The following NAV2 variants were observed in gnomAD, a reference collection of about 807,000 sequenced individuals.
The protein encoded by NAV2 is neuron navigator 2.
Under a neutral mutation model 223.2 loss-of-function variants are expected in NAV2, and 54 were observed. The observed-to-expected ratio is 0.24, with a 90% CI of 0.19 to 0.30. The LOEUF is 0.30. Ranked by LOEUF, NAV2 falls within the 10% of genes least tolerant of loss-of-function variation. The pLI, the probability that NAV2 is intolerant of heterozygous loss-of-function variation, is 1.00. For missense variants in NAV2, 2,806 were observed against 3,147.5 expected (o/e 0.89, Z 2.60); for synonymous variants, 1,279 against 1,239.3 (o/e 1.03, Z -0.67).
chr11:19,946,335 A>T, intron 8 of NAV2, 66 bp from the exon 9 acceptor site: 1 of 1,417,158 alleles, frequency 7.1e-7, no homozygotes, highest in Non-Finnish European at 9.7e-7. Context: ...ATAGACATGG[A>T]TGCTGCCCTT....
At chr11:19,495,671 A>G (rs2042770361) in intron 1 of NAV2, among the ~76,000 whole-genome samples, 1 of 152,220 alleles carries the variant, frequency 6.6e-6, no homozygotes, top group Non-Finnish European at 1.5e-5. Context: ...TAAAGCCTAA[A>G]TGCATGGATG....
At position 19,646,755 on chromosome 11, in the gene NAV2, A is replaced by G. The variant is rs558934600; in HGVS notation, c.76-185729A>G. Among the ~76,000 whole-genome samples, 5 of 152,290 alleles carry G rather than the reference A, an allele frequency of 3.3e-5. No homozygotes were observed. The East Asian group carries it at 9.6e-4, about 29-fold the overall frequency. The stretch of plus-strand genomic sequence containing the variant: ...ATATAAAACCTTTCACCTTATCAAC[A>G]ACATTGTGAGGTAGGCATTATAGAT... On this transcript the variant is annotated intron_variant, in intron 1 of 37. Transcript: ENST00000360655.
At chr11:19,536,262 G>A (rs2044186464) in intron 1 of NAV2, among the ~76,000 whole-genome samples, 1 of 152,122 alleles carries the variant, frequency 6.6e-6, no homozygotes, top group Admixed American at 6.5e-5. Flanking sequence ...CTAGTCAGAG[G>A]CCCAGCTGAC....
At chr11:19,725,812 C>T (rs1366749242) in intron 1 of NAV2, among the ~76,000 whole-genome samples, 2 of 152,230 alleles carry the variant, frequency 1.3e-5, no homozygotes, top group Non-Finnish European at 2.9e-5. Context: ...TGTAACAGGA[C>T]CTGCTAGTTT....
At chr11:19,621,166 T>C (rs1339302559) in intron 1 of NAV2, among the ~76,000 whole-genome samples, 1 of 152,198 alleles carries the variant, frequency 6.6e-6, no homozygotes, top group Non-Finnish European at 1.5e-5. Context: ...AGTTTGCCAG[T>C]ATTTTACTGA....
At chr11:19,577,185 T>C (rs2045594471) in intron 1 of NAV2, among the ~76,000 whole-genome samples, 2 of 152,254 alleles carry the variant, frequency 1.3e-5, no homozygotes, top group African/African-American at 2.4e-5. Flanking sequence ...ATTTATCACA[T>C]GAGGAAACTG....
chr11:19,372,999 A>T (rs1848523442), intron 1 of NAV2, among the ~76,000 whole-genome samples: 1 of 152,220 alleles, frequency 6.6e-6, no homozygotes, highest in Non-Finnish European at 1.5e-5. Flanking sequence ...GGGACAACGA[A>T]CATTTTTGGG....
intron 1 of NAV2, among the ~76,000 whole-genome samples, chr11:19,752,986 T>G (rs139010121): frequency 5.3e-5 from 8 of 152,282 alleles, no homozygotes; most frequent in South Asian, 4.1e-4. Context: ...ATTATTGCTC[T>G]TATAAGGAGA....
At chr11:19,836,578 AAAAG>A (rs1565402381) in intron 2 of NAV2, among the ~76,000 whole-genome samples, 1 of 151,666 alleles carries the variant, frequency 6.6e-6, no homozygotes, top group African/African-American at 2.4e-5. Flanking sequence ...AAAAAAAAAA[AAAAG>A]CTCCGATCTG....
intron 11 of NAV2, among the ~76,000 whole-genome samples, chr11:19,993,014 G>T (rs183943784): frequency 6.6e-6 from 1 of 152,284 alleles, no homozygotes. Flanking sequence ...AAGAATAAGA[G>T]GCCAAAGAGA....
At chr11:20,061,499 G>A (rs948313749) in intron 19 of NAV2, among the ~76,000 whole-genome samples, 9 of 151,814 alleles carry the variant, frequency 5.9e-5, no homozygotes, top group African/African-American at 2.2e-4. Context: ...AACTTGGGAG[G>A]CAGAGGTTGT....
intron 1 of NAV2, among the ~76,000 whole-genome samples, chr11:19,353,273 A>G (rs1306393678): frequency 1.3e-5 from 2 of 152,160 alleles, no homozygotes; most frequent in African/African-American, 4.8e-5. Flanking sequence ...GCTAGATCCA[A>G]TTTTGCTGTA....
intron 1 of NAV2, among the ~76,000 whole-genome samples, chr11:19,719,819 A>G (rs1386488234): frequency 2.6e-5 from 4 of 152,228 alleles, no homozygotes; most frequent in Non-Finnish European, 5.9e-5. Flanking sequence ...TGAAACCTTC[A>G]CAGGTTGGTC....
At chr11:19,902,211 A>G (rs1173199688) in intron 6 of NAV2, among the ~76,000 whole-genome samples, 1 of 152,192 alleles carries the variant, frequency 6.6e-6, no homozygotes, top group Non-Finnish European at 1.5e-5. Flanking sequence ...ATCAAGGTGA[A>G]AGAAATTGTA....
At chr11:19,841,420 T>C (rs2060506387) in intron 2 of NAV2, among the ~76,000 whole-genome samples, 1 of 152,190 alleles carries the variant, frequency 6.6e-6, no homozygotes, top group Non-Finnish European at 1.5e-5. Flanking sequence ...TCCAATGGCT[T>C]TTCTCTTTTT....
At chr11:19,567,010 G>A (rs1472156529) in intron 1 of NAV2, among the ~76,000 whole-genome samples, 3 of 152,204 alleles carry the variant, frequency 2.0e-5, no homozygotes, top group Non-Finnish European at 4.4e-5. Flanking sequence ...ATACCTTTCT[G>A]GAACGAGAAA....
At chr11:20,034,342 G>A (rs35486576) in intron 11 of NAV2, among the ~76,000 whole-genome samples, 3 of 149,092 alleles carry the variant, frequency 2.0e-5, no homozygotes, top group East Asian at 4.0e-4. Flanking sequence ...TGTAAGTTTC[G>A]ATCAGCAAGT....
intron 1 of NAV2, among the ~76,000 whole-genome samples, chr11:19,660,846 C>G (rs2048257559): frequency 6.6e-6 from 1 of 152,164 alleles, no homozygotes; most frequent in Non-Finnish European, 1.5e-5. Context: ...TAGTAGCAAT[C>G]ATAATAGCAC....
intron 1 of NAV2, among the ~76,000 whole-genome samples, chr11:19,480,845 C>T (rs553016049): frequency 3.9e-5 from 6 of 152,328 alleles, no homozygotes; most frequent in African/African-American, 1.4e-4. Flanking sequence ...AGACCAGCTG[C>T]TGCTGAGCGC....
Sources: allele counts gnomAD v4.1 joint callset (sites outside exome capture counted in the v4.1 genomes callset), GRCh38; gene constraint gnomAD v4.1.1; transcripts MANE v1.5; gene names NCBI Gene and HGNC (gene_info 2026-07-23, HGNC 2026-07-21).